Variants in PTPRK observed in about 807,000 individuals in gnomAD.
The protein encoded by PTPRK is protein tyrosine phosphatase receptor type K, also known as receptor-type tyrosine-protein phosphatase kappa.
In PTPRK, 75 loss-of-function variants were observed where a neutral mutation model predicts 178.0. The ratio of observed to expected loss-of-function variants is 0.42; its 90% CI spans 0.35 to 0.51. The LOEUF (loss-of-function observed/expected upper bound fraction) is 0.51, where lower values mean the gene tolerates loss of function less well. PTPRK is among the 20% of genes least tolerant of loss of function. PTPRK has a pLI of 0.02. For synonymous variants in PTPRK, 637 were observed against 620.6 expected, an observed-to-expected ratio of 1.03 and a Z score of -0.39; for missense variants, 1,441 against 1,797.8, an observed-to-expected ratio of 0.80 and a Z score of 3.59.
chr6:128,249,858 A>C (rs1445086872), intron 3 of PTPRK, among the ~76,000 whole-genome samples: 3 of 152,186 alleles, frequency 2.0e-5, no homozygotes, highest in Non-Finnish European at 2.9e-5. Flanking sequence ...TCGAAGGTGC[A>C]AAGACATTTC....
chr6:128,060,502 A>G (rs1780627424), intron 13 of PTPRK, among the ~76,000 whole-genome samples: 1 of 152,150 alleles, frequency 6.6e-6, no homozygotes. Context: ...GCTCTAATAT[A>G]TCAACTCATT....
chr6:128,247,352 G>T (rs1815659122), intron 3 of PTPRK, among the ~76,000 whole-genome samples: 1 of 151,684 alleles, frequency 6.6e-6, no homozygotes, highest in South Asian at 2.1e-4. Context: ...CAGATTCTTG[G>T]TCTGTCACAC....
At chr6:128,515,697 T>C (rs1857894659) in intron 1 of PTPRK, among the ~76,000 whole-genome samples, 1 of 151,536 alleles carries the variant, frequency 6.6e-6, no homozygotes, top group Non-Finnish European at 1.5e-5. Context: ...CACACACACA[T>C]ACACGTGCAC....
chr6:128,073,136 T>A (rs1434276776), intron 11 of PTPRK, among the ~76,000 whole-genome samples: 1 of 152,094 alleles, frequency 6.6e-6, no homozygotes, highest in African/African-American at 2.4e-5. Context: ...GATGATAAGC[T>A]TACTACAGAA....
intron 3 of PTPRK, among the ~76,000 whole-genome samples, chr6:128,297,312 T>C (rs1028577580): frequency 6.6e-6 from 1 of 152,146 alleles, no homozygotes; most frequent in African/African-American, 2.4e-5. Flanking sequence ...ATTAGACAGA[T>C]CAATGAGACG....
At chr6:128,405,931 T>G (rs1382384660) in intron 1 of PTPRK, among the ~76,000 whole-genome samples, 2 of 152,062 alleles carry the variant, frequency 1.3e-5, no homozygotes, top group Non-Finnish European at 2.9e-5. Context: ...TTGTAGGACT[T>G]TGAAATACAC....
At chr6:128,434,406 G>A (rs1306684164) in intron 1 of PTPRK, among the ~76,000 whole-genome samples, 1 of 152,084 alleles carries the variant, frequency 6.6e-6, no homozygotes, top group African/African-American at 2.4e-5. Context: ...CCCTTTCAAC[G>A]TTTTTGGAAA....
Position 127,970,243 on chromosome 6 carries a change from T to C in PTPRK, c.4307A>G (p.Tyr1436Cys). Residue 1436 changes from tyrosine (Y) to cysteine (C), a missense_variant, in exon 30 of 30, where the codon TAC becomes TGC. Transcript: ENST00000368226. ...CTCACCCAACTAAGATGATTCCAGG[T>C]ACTCCAAAGCTACATCATAGCAGAA... ...YRFCYDVALE[Y>C]LESS 6.2e-7 allele frequency: 1 copy of C among 1,610,424 alleles called. No individual in the cohort carries two copies. Among genetic ancestry groups the C allele is most frequent in the Non-Finnish European group, 8.5e-7 (1 of 1,177,896 alleles).
At chr6:128,468,513 C>A (rs928059884) in intron 1 of PTPRK, among the ~76,000 whole-genome samples, 1 of 152,074 alleles carries the variant, frequency 6.6e-6, no homozygotes, top group Admixed American at 6.6e-5. Context: ...TCTACTTGGA[C>A]TTTTTCTGTT....
At chr6:128,463,557 A>G (rs1355064399) in intron 1 of PTPRK, among the ~76,000 whole-genome samples, 1 of 152,104 alleles carries the variant, frequency 6.6e-6, no homozygotes. Context: ...GCTCTATAAC[A>G]TTGATATTTT....
At chr6:128,507,927 G>A (rs1206863740) in intron 1 of PTPRK, among the ~76,000 whole-genome samples, 2 of 152,016 alleles carry the variant, frequency 1.3e-5, no homozygotes, top group African/African-American at 2.4e-5. Context: ...TCCACTTGGC[G>A]GAATTTTACT....
At chr6:128,492,717 C>T (rs901965910) in intron 1 of PTPRK, among the ~76,000 whole-genome samples, 1 of 152,110 alleles carries the variant, frequency 6.6e-6, no homozygotes, top group African/African-American at 2.4e-5. Flanking sequence ...TGAATATAAC[C>T]CACTCTTCAA....
intron 1 of PTPRK, among the ~76,000 whole-genome samples, chr6:128,440,354 T>G (rs2128399991): frequency 6.6e-6 from 1 of 152,314 alleles, no homozygotes; most frequent in Admixed American, 6.5e-5. Flanking sequence ...GCTATGCAAT[T>G]GCTTAGATCC....
At chr6:128,363,551 C>T (rs1835062457) in intron 2 of PTPRK, among the ~76,000 whole-genome samples, 1 of 152,126 alleles carries the variant, frequency 6.6e-6, no homozygotes, top group African/African-American at 2.4e-5. Context: ...CTTGATAAAA[C>T]AGTACCTGCC....
chr6:128,006,019 T>C, intron 14 of PTPRK: 1 of 1,554,632 alleles, frequency 6.4e-7, no homozygotes. Flanking sequence ...ACCCATTTTC[T>C]ACTTACAGGT....
chr6:128,245,256 C>T (rs149230831), intron 3 of PTPRK, among the ~76,000 whole-genome samples: 115 of 148,590 alleles, frequency 7.7e-4, no homozygotes, highest in Non-Finnish European at 1.3e-3. Flanking sequence ...TACTACATTG[C>T]TTCTCAAGAA....
At chr6:128,109,917 A>G (rs887108564) in intron 7 of PTPRK, among the ~76,000 whole-genome samples, 3 of 151,132 alleles carry the variant, frequency 2.0e-5, no homozygotes, top group African/African-American at 7.3e-5. Flanking sequence ...TTGGGGGGGG[A>G]GGAGGAGAGA....
At chr6:128,451,235 G>T (rs1417064047) in intron 1 of PTPRK, among the ~76,000 whole-genome samples, 1 of 152,120 alleles carries the variant, frequency 6.6e-6, no homozygotes, top group Non-Finnish European at 1.5e-5. Context: ...TTAGCAACTT[G>T]ATATTTTCCA....
intron 1 of PTPRK, among the ~76,000 whole-genome samples, chr6:128,492,594 G>A (rs559962672): frequency 5.1e-4 from 78 of 152,146 alleles, no homozygotes; most frequent in African/African-American, 1.7e-3. Context: ...TTTATTTTAC[G>A]GGATTTTGAA....
Sources: gnomAD v4.1 joint callset for allele counts (sites outside exome capture counted in the v4.1 genomes callset) on GRCh38, gnomAD v4.1.1 for gene constraint, MANE v1.5 for transcripts, NCBI Gene and HGNC (gene_info 2026-07-23, HGNC 2026-07-21) for gene names.